Variants in GTF3C4 observed in about 807,000 individuals in gnomAD.
The protein encoded by GTF3C4 is general transcription factor 3C polypeptide 4.
A neutral mutation model predicts 67.5 loss-of-function variants in GTF3C4; 28 were observed. That is an observed-to-expected ratio of 0.41 (90% CI 0.31 to 0.57). GTF3C4 has a LOEUF of 0.57. Among genes scored for constraint, GTF3C4 ranks in the 20% least tolerant of loss-of-function variants. The pLI, the probability that GTF3C4 is intolerant of heterozygous loss-of-function variation, is 0.21. For missense variants in GTF3C4, 831 were observed against 1,033.2 expected (o/e 0.80, Z 2.68); for synonymous variants, 409 against 393.0 (o/e 1.04, Z -0.48).
chr9:132,671,341 T>G (rs1835752057), intron 1 of GTF3C4, among the ~76,000 whole-genome samples: 1 of 152,136 alleles, frequency 6.6e-6, no homozygotes, highest in Non-Finnish European at 1.5e-5. Flanking sequence ...TTGCTGCTAT[T>G]GTTTGGGGCC....
Position 132,678,490 on chromosome 9 carries a change from C to G in GTF3C4, c.871C>G (p.Gln291Glu). The change falls in exon 2 of 5, where the codon CAG (glutamine) becomes GAG (glutamate). Residue 291 changes from glutamine (Q) to glutamate (E), a missense_variant. Gln to Glu is a conservative substitution (Grantham distance 29). Coordinates refer to ENST00000372146, the MANE Select transcript of GTF3C4 (RefSeq NM_012204.4). The surrounding 1 kb of genome is among the most constrained non-coding windows in gnomAD (Gnocchi z 6.5). ...CGGTAATATCGCCGTGTGGCAGTTT[C>G]AGCTGCCGTTTGTAGGAAAAGAATC... ...ENGNIAVWQF[Q>E]LPFVGKESIS... 7 of 1,614,146 alleles carry G rather than the reference C, an allele frequency of 4.3e-6. No homozygotes were observed. The highest frequency in any genetic ancestry group is 2.2e-5 in the East Asian group (1 of 44,882).
rs1835891749 is a variant in GTF3C4, at chr9:132,678,288, C to T, written c.669C>T (p.Leu223=). Residue 223 remains leucine, a synonymous_variant, in exon 2 of 5, where the codon CTC becomes CTT. Transcript: ENST00000372146. The surrounding 1 kb of genome is among the most constrained non-coding windows in gnomAD (Gnocchi z 6.5). The stretch of plus-strand genomic sequence containing the variant: ...GTCTTTATGAGACCAGTTACAGGCT[C>T]TCTAAAAATGAGGCCCCGGAAGGAA... ...GERLYETSYR[L]SKNEAPEGNL... The T allele has an allele frequency of 6.2e-7, 1 of 1,614,128 alleles. No individual in the cohort carries two copies. Among genetic ancestry groups the T allele is most frequent in the Non-Finnish European group, 8.5e-7 (1 of 1,180,014 alleles).
chr9:132,681,453 TA>T (rs1260704765), intron 2 of GTF3C4, among the ~76,000 whole-genome samples: 1 of 152,196 alleles, frequency 6.6e-6, no homozygotes, highest in Non-Finnish European at 1.5e-5. Context: ...GAAGACTTTT[TA>T]AACCTAGGAT....
intron 1 of GTF3C4, among the ~76,000 whole-genome samples, chr9:132,671,656 G>A (rs1835766601): frequency 6.6e-6 from 1 of 152,138 alleles, no homozygotes; most frequent in Non-Finnish European, 1.5e-5. Flanking sequence ...CCTTTTAGTT[G>A]CTTAGAGGTG....
At position 132,679,033 on chromosome 9, in the gene GTF3C4, T is replaced by A. The variant is rs1411684024; in HGVS notation, c.1414T>A (p.Phe472Ile). 27 of 1,614,038 alleles carry A rather than the reference T, an allele frequency of 1.7e-5. No individual in the cohort carries two copies. The highest frequency in any genetic ancestry group is 4.0e-5 in the African/African-American group (3 of 74,920). The change falls in exon 2 of 5, where the codon TTT becomes ATT. Residue 472 changes from phenylalanine (F) to isoleucine (I), a missense_variant. By Grantham distance (21) the Phe-to-Ile change is conservative. Coordinates refer to ENST00000372146, the MANE Select transcript of GTF3C4 (RefSeq NM_012204.4). This position sits in a 1 kb window ranked among gnomAD's most constrained non-coding sequence, Gnocchi z 5.9. ...EHQLIKLSDVFGSVRTHGIAV... is the reference protein window; with the variant it reads ...EHQLIKLSDVIGSVRTHGIAV... The stretch of plus-strand genomic sequence containing the variant: ...CCAGTTGATTAAACTCTCAGATGTG[T>A]TTGGCTCAGTGAGGACTCACGGGAT...
chr9:132,670,403 T>C, upstream of GTF3C4: 1 of 1,101,052 alleles, frequency 9.1e-7, no homozygotes, highest in Non-Finnish European at 1.2e-6. Flanking sequence ...GTCCTTTTTC[T>C]GGACAGGCAG....
rs530752919 is a variant in GTF3C4 at position 132,674,391 on chromosome 9, CAT to C, written c.357+3439_357+3440del. 5.1e-4 allele frequency among the ~76,000 whole-genome samples: 77 copies of C among 152,290 alleles called. No homozygotes were observed. In the South Asian group the frequency reaches 0.015, roughly 30 times the overall value. On this transcript the variant is annotated intron_variant, in intron 1 of 4. Transcript: ENST00000372146. ...GGGAGGTTCAGTAGTCTAGTTGAAACATATGTCAGAAATTGCTACACAAAACC... is the reference window on the plus strand; with the variant it reads ...GGGAGGTTCAGTAGTCTAGTTGAAACATGTCAGAAATTGCTACACAAAACC...
intron 1 of GTF3C4, among the ~76,000 whole-genome samples, chr9:132,671,301 G>A (rs559347296): frequency 6.6e-6 from 1 of 152,170 alleles, no homozygotes; most frequent in East Asian, 1.9e-4. Flanking sequence ...TCCACCCCCT[G>A]TAGATCCAAC....
rs1377109871 is a variant in GTF3C4, at chr9:132,670,674, G to A, written c.76G>A (p.Gly26Arg). 2 of 1,509,814 alleles carry A rather than the reference G, an allele frequency of 1.3e-6. No homozygotes were observed. The highest frequency in any genetic ancestry group is 1.4e-5 in the African/African-American group (1 of 71,068). The allele number at this position is 1,509,814 out of a possible 1,614,324, so 93.5% of individuals were successfully genotyped here. A position where few individuals can be genotyped will look rare whatever the true frequency, so the allele number is the denominator to read the frequency against. ...GCCGTCTGGGGAGGAGGAGGGAGAG[G>A]GGGGCGGCGAGGCGGGCGGGAAGGA... ...PAPSGEEEGE[G>R]GGEAGGKEPA... The change falls in exon 1 of 5, where the codon GGG (glycine) becomes AGG (arginine). Residue 26 changes from glycine to arginine, a missense_variant. This residue lies in a region of GTF3C4 where 237 missense variants were observed against 212.7 expected (regional missense o/e 1.11). Coordinates refer to ENST00000372146, the MANE Select transcript of GTF3C4 (RefSeq NM_012204.4).
At chr9:132,682,416 A>G (rs929599404) in intron 2 of GTF3C4, among the ~76,000 whole-genome samples, 10 of 152,068 alleles carry the variant, frequency 6.6e-5, no homozygotes, top group Admixed American at 2.0e-4. Flanking sequence ...GGATTCATCC[A>G]TAAGAGGTTA....
chr9:132,687,106 A>C, intron 3 of GTF3C4, 133 bp from the exon 4 acceptor site: 1 of 718,966 alleles, frequency 1.4e-6, no homozygotes, highest in Non-Finnish European at 2.6e-6. Flanking sequence ...TTGTTATGTG[A>C]ATGTATGAGT....
In GTF3C4 at chr9:132,691,626, T is replaced by C. The variant is rs953392066; in HGVS notation, c.*2681T>C. 1 of 152,220 alleles carries C rather than the reference T, an allele frequency of 6.6e-6. No homozygotes were observed. Among genetic ancestry groups the C allele is most frequent in the Non-Finnish European group, 1.5e-5 (1 of 68,036 alleles). 9.4% of individuals were successfully genotyped at this position (152,220 alleles called of 1,614,324 possible). A position where few individuals can be genotyped will look rare whatever the true frequency, so the allele number is the denominator to read the frequency against. ...TGGGGTTAATTTGTTCTTATTATTC[T>C]AGGTAAGAAATTGATAGCTTGTTAT... On this transcript the variant is annotated 3_prime_UTR_variant, in exon 5 of 5. Transcript: ENST00000372146.
Position 132,679,413 on chromosome 9 carries a change from A to C in GTF3C4, c.1794A>C (p.Lys598Asn). The C allele has an allele frequency of 6.2e-7, 1 of 1,614,060 alleles. No homozygotes were observed. Among genetic ancestry groups the C allele is most frequent in the African/African-American group, 1.3e-5 (1 of 74,998 alleles). ...MQKTPSEALWKPTHEDSKILL... is the reference protein window; with the variant it reads ...MQKTPSEALWNPTHEDSKILL... ...AAACCCCTTCAGAAGCCTTGTGGAA[A>C]CCCACCCATGAGGACTCAAAAATCT... Residue 598 changes from lysine to asparagine, a missense_variant, in exon 2 of 5, where the codon AAA becomes AAC. Around this residue, in one of 4 missense-constraint regions of GTF3C4, gnomAD observed 75 missense variants for 66.4 expected, o/e 1.13. Transcript: ENST00000372146. This position sits in a 1 kb window ranked among gnomAD's most constrained non-coding sequence, Gnocchi z 5.9.
intron 3 of GTF3C4, among the ~76,000 whole-genome samples, chr9:132,686,886 CA>C: frequency 6.6e-6 from 1 of 152,240 alleles, no homozygotes; most frequent in East Asian, 1.9e-4. Context: ...ACAGCAACAA[CA>C]AAAAACCTAA....
At chr9:132,670,984 C>T (rs758975909) in intron 1 of GTF3C4, 29 bp downstream of exon 1, 2 of 1,446,940 alleles carry the variant, frequency 1.4e-6, no homozygotes, top group Admixed American at 1.7e-5. Flanking sequence ...TCCCTGGGGT[C>T]TTCCCCTGTC....
At position 132,691,676 on chromosome 9, in the gene GTF3C4, T is replaced by C. The variant is rs956586592; in HGVS notation, c.*2731T>C. 3 of 152,228 alleles carry C rather than the reference T, an allele frequency of 2.0e-5. No individual in the cohort carries two copies. Among genetic ancestry groups the C allele is most frequent in the African/African-American group, 4.8e-5 (2 of 41,454 alleles). The allele number at this position is 152,228 out of a possible 1,614,324, so 9.4% of individuals were successfully genotyped here. Reference sequence around the variant, plus strand: ...TGCTTGGTACTCATTCTGAAATCCCTGTGTGTCCACCAGGCAGACTTCAAG... The same window carrying C: ...TGCTTGGTACTCATTCTGAAATCCCCGTGTGTCCACCAGGCAGACTTCAAG... On this transcript the variant is annotated 3_prime_UTR_variant, in exon 5 of 5. Transcript: ENST00000372146.
At chr9:132,683,002 C>T (rs748876926) in intron 2 of GTF3C4, among the ~76,000 whole-genome samples, 13 of 152,160 alleles carry the variant, frequency 8.5e-5, no homozygotes, top group East Asian at 5.8e-4. Context: ...TTGCTCCTAT[C>T]GTGGGTCTTG....
At chr9:132,673,462 C>G (rs544794168) in intron 1 of GTF3C4, among the ~76,000 whole-genome samples, 6 of 151,942 alleles carry the variant, frequency 3.9e-5, no homozygotes, top group South Asian at 4.2e-4. Context: ...AGTCATTTAG[C>G]AGTCTTTTTA....
At chr9:132,671,001 T>A (rs747999486) in intron 1 of GTF3C4, 46 bp downstream of exon 1, 2 of 1,325,532 alleles carry the variant, frequency 1.5e-6, no homozygotes, top group East Asian at 4.6e-5. Flanking sequence ...TGTCCCCCTC[T>A]CGCGGCCGCA....
Sources: allele counts gnomAD v4.1 joint callset (sites outside exome capture counted in the v4.1 genomes callset), GRCh38; gene constraint gnomAD v4.1.1; regional missense constraint gnomAD v4.1.1; non-coding constraint Gnocchi (gnomAD v3.1); transcripts MANE v1.5; gene names NCBI Gene and HGNC (gene_info 2026-07-23, HGNC 2026-07-21).